PTPRC: variants seen among roughly 807,000 people sequenced by gnomAD.
The protein encoded by PTPRC is receptor-type tyrosine-protein phosphatase C.
Under a neutral mutation model 155.9 loss-of-function variants are expected in PTPRC, and 44 were observed. That is an observed-to-expected ratio of 0.28 (90% confidence interval 0.22 to 0.36). The LOEUF (loss-of-function observed/expected upper bound fraction) is 0.36, where lower values mean the gene tolerates loss of function less well. Ranked by LOEUF, PTPRC falls within the 10% of genes least tolerant of loss-of-function variation. The pLI is 1.00. For synonymous variants in PTPRC, 525 were observed against 533.1 expected (o/e 0.98, Z 0.21); for missense variants, 1,401 against 1,564.6 (o/e 0.90, Z 1.76).
intron 20 of PTPRC, among the ~76,000 whole-genome samples, chr1:198,733,050 C>T (rs918405015): frequency 6.6e-6 from 1 of 151,718 alleles, no homozygotes; most frequent in Non-Finnish European, 1.5e-5. Flanking sequence ...TCAACATGAT[C>T]ATCTATCCAT....
intron 2 of PTPRC, among the ~76,000 whole-genome samples, chr1:198,685,551 A>G (rs1234162256): frequency 1.3e-5 from 2 of 151,896 alleles, no homozygotes; most frequent in Non-Finnish European, 2.9e-5. Flanking sequence ...CAGAGTGCTT[A>G]CTCCATAAAT....
intron 2 of PTPRC, among the ~76,000 whole-genome samples, chr1:198,640,268 G>A (rs1226521982): frequency 6.6e-6 from 1 of 151,784 alleles, no homozygotes; most frequent in Non-Finnish European, 1.5e-5. Flanking sequence ...TATCTAAAAG[G>A]ACATTGAAAA....
At chr1:198,740,973 C>T (rs1309786288) in intron 23 of PTPRC, among the ~76,000 whole-genome samples, 1 of 151,820 alleles carries the variant, frequency 6.6e-6, no homozygotes, top group African/African-American at 2.4e-5. Flanking sequence ...CTCCGTAGGT[C>T]TTCTTAGGTT....
At chr1:198,704,327 A>G in intron 7 of PTPRC, 145 bp from the exon 8 acceptor site, 5 of 1,438,154 alleles carry the variant, frequency 3.5e-6, no homozygotes, top group South Asian at 1.3e-5. Flanking sequence ...GAAAACCTGT[A>G]CTAGGCAAAT....
chr1:198,659,794 G>T (rs1242957273), intron 2 of PTPRC, among the ~76,000 whole-genome samples: 1 of 151,622 alleles, frequency 6.6e-6, no homozygotes, highest in East Asian at 1.9e-4. Flanking sequence ...TGCCCGCCTT[G>T]GCCTCCCAAA....
chr1:198,659,205 T>A (rs1173144654), intron 2 of PTPRC, among the ~76,000 whole-genome samples: 1 of 152,172 alleles, frequency 6.6e-6, no homozygotes, highest in African/African-American at 2.4e-5. Flanking sequence ...AGACACCAGC[T>A]TCTTCATGTT....
At chr1:198,654,507 A>G (rs966640736) in intron 2 of PTPRC, among the ~76,000 whole-genome samples, 1 of 151,756 alleles carries the variant, frequency 6.6e-6, no homozygotes, top group Non-Finnish European at 1.5e-5. Context: ...AGAAAAGACA[A>G]CTATATATTT....
Position 198,754,513 on chromosome 1 carries a change from C to T in PTPRC, c.3645+109C>T. The T allele has an allele frequency of 3.8e-6, 5 of 1,318,272 alleles. No individual in the cohort carries two copies. The South Asian group carries it at 6.6e-5, about 17-fold the overall frequency. 81.7% of individuals were successfully genotyped at this position (1,318,272 alleles called of 1,614,324 possible). On this transcript the variant is annotated intron_variant, in intron 32 of 32. Coordinates refer to ENST00000442510, the MANE Select transcript of PTPRC (RefSeq NM_002838.5). ...CTTTCCTCTCGTTTGTTCTTTTTTC[C>T]CCTTTCCTTTTCTCTTCTCTATTTT... is the stretch of plus-strand genomic sequence containing the variant.
At chr1:198,640,005 G>A (rs750683839) in intron 2 of PTPRC, among the ~76,000 whole-genome samples, 5 of 151,814 alleles carry the variant, frequency 3.3e-5, no homozygotes, top group Non-Finnish European at 7.4e-5. Context: ...GCCCTTCCTG[G>A]GTGGTGGGTA....
chr1:198,706,913 A>T lies in PTPRC; in HGVS notation c.865A>T (p.Thr289Ser), dbSNP rs1427150638. The T allele has an allele frequency of 1.9e-5, 30 of 1,612,092 alleles. No homozygotes were observed. Among genetic ancestry groups the T allele is most frequent in the Non-Finnish European group, 2.5e-5 (29 of 1,178,210 alleles). Residue 289 changes from threonine (T) to serine (S), a missense_variant, in exon 9 of 33, where the codon ACT (threonine) becomes TCT (serine). Transcript: ENST00000442510. ...ASVSISHNSC[T>S]APDKTLILDV... ...TGTTTCCATATCTCATAATTCATGT[A>T]CTGCTCCTGATAAGACATTAATATT...
intron 2 of PTPRC, among the ~76,000 whole-genome samples, chr1:198,690,593 A>G (rs1665874598): frequency 6.6e-6 from 1 of 152,038 alleles, no homozygotes; most frequent in Non-Finnish European, 1.5e-5. Context: ...ATTTTACTTC[A>G]AGGAATAAGC....
In PTPRC at chr1:198,742,041, CA is replaced by C. The variant is rs370217220; in HGVS notation, c.2561+27del. 0.042 allele frequency: 52,606 copies of C among 1,248,992 alleles called. 343 individuals carry two copies. Among genetic ancestry groups the C allele is most frequent in the Admixed American group, 0.14 (6,586 of 47,650 alleles). The allele number at this position is 1,248,992 out of a possible 1,614,324, so 77.4% of individuals were successfully genotyped here. ...GTGCACTGCAGGTAGGAAAAACGAA[CA>C]AAAAAAAAAAACAACAACAAAAAAA... On this transcript the variant is annotated intron_variant, in intron 24 of 32. Coordinates refer to ENST00000442510, the MANE Select transcript of PTPRC (RefSeq NM_002838.5).
chr1:198,744,283 A>C (rs1655042696), intron 26 of PTPRC, 80 bp downstream of exon 26: 3 of 1,372,234 alleles, frequency 2.2e-6, no homozygotes, highest in Admixed American at 1.9e-5. Flanking sequence ...TTTGCTATGC[A>C]CTTGACATAG....
intron 18 of PTPRC, 61 bp from the exon 19 acceptor site, chr1:198,732,239 G>A: frequency 7.6e-7 from 1 of 1,314,356 alleles, no homozygotes. Flanking sequence ...ACGGTCATTG[G>A]TAAGGGGGAA....
In PTPRC at chr1:198,756,415, T is replaced by G; in HGVS notation, c.*234T>G. ...TATCTCTTATTCAGTAAAAAACAAC[T>G]TCTTTGTAATCGTTATGTGTGTATA... On this transcript the variant is annotated 3_prime_UTR_variant, in exon 33 of 33. Coordinates refer to ENST00000442510, the MANE Select transcript of PTPRC (RefSeq NM_002838.5). 2 of 557,504 alleles carry G rather than the reference T, an allele frequency of 3.6e-6. No individual in the cohort carries two copies. Among genetic ancestry groups the G allele is most frequent in the East Asian group, 6.5e-5 (2 of 30,602 alleles). The allele number at this position is 557,504 out of a possible 1,614,324, so 34.5% of individuals were successfully genotyped here.
At chr1:198,672,652 A>AT (rs978525035) in intron 2 of PTPRC, among the ~76,000 whole-genome samples, 2 of 133,014 alleles carry the variant, frequency 1.5e-5, no homozygotes, top group South Asian at 2.3e-4. Flanking sequence ...TTTTTTTTGT[A>AT]TTTTTTTGCA....
At chr1:198,736,500 G>T (rs1250698847) in intron 23 of PTPRC, among the ~76,000 whole-genome samples, 1 of 151,648 alleles carries the variant, frequency 6.6e-6, no homozygotes, top group Non-Finnish European at 1.5e-5. Context: ...CATCCATGTT[G>T]TTGCAAATGA....
intron 2 of PTPRC, among the ~76,000 whole-genome samples, chr1:198,644,763 A>C (rs1431877224): frequency 6.6e-6 from 1 of 151,834 alleles, no homozygotes; most frequent in East Asian, 1.9e-4. Flanking sequence ...TTCTTAACAG[A>C]CAATCAGCAA....
intron 2 of PTPRC, among the ~76,000 whole-genome samples, chr1:198,678,245 G>T (rs779017958): frequency 5.9e-5 from 9 of 152,130 alleles, no homozygotes; most frequent in Non-Finnish European, 8.8e-5. Context: ...CTTTAAGAAG[G>T]ACAAATCAAA....
Sources: allele counts gnomAD v4.1 joint callset (sites outside exome capture counted in the v4.1 genomes callset), GRCh38; gene constraint gnomAD v4.1.1; transcripts MANE v1.5; gene names NCBI Gene and HGNC (gene_info 2026-07-23, HGNC 2026-07-21).